The following IGSF5 variants were observed in gnomAD, a reference collection of about 807,000 sequenced individuals.
The protein encoded by IGSF5 is immunoglobulin superfamily 5 like.
IGSF5 carries 41 observed loss-of-function variants against 39.4 expected under a neutral mutation model. The ratio of observed to expected loss-of-function variants is 1.04; its 90% CI spans 0.81 to 1.35. The LOEUF (loss-of-function observed/expected upper bound fraction) is 1.35. Ranked by LOEUF, IGSF5 falls within the 40% of genes most tolerant of loss-of-function variation. The probability of loss-of-function intolerance (pLI) is 0.00; values close to 1 mark genes in which losing one functional copy is unlikely to be tolerated. For synonymous variants in IGSF5, 183 were observed against 175.3 expected (o/e 1.04, Z -0.34); for missense variants, 487 against 494.6 (o/e 0.98, Z 0.15).
chr21:39,773,566 A>C (rs1359380802), intron 4 of IGSF5, among the ~76,000 whole-genome samples: 1 of 149,770 alleles, frequency 6.7e-6, no homozygotes, highest in Non-Finnish European at 1.5e-5. Flanking sequence ...TGACACCCAG[A>C]TTGCTCCAGA....
chr21:39,747,116 C>T (rs1329714759), intron 2 of IGSF5, among the ~76,000 whole-genome samples: 2 of 152,208 alleles, frequency 1.3e-5, no homozygotes, highest in Non-Finnish European at 1.5e-5. Flanking sequence ...TGAAGTCATA[C>T]CCGAGACCGG....
Position 39,793,744 on chromosome 21 carries a change from A to T in IGSF5, c.1128+131A>T, listed in dbSNP as rs528343586. 89 of 729,704 alleles carry T rather than the reference A, an allele frequency of 1.2e-4. No homozygotes were observed. The African/African-American group carries it at 1.4e-3, about 11-fold the overall frequency. 45.2% of individuals were successfully genotyped at this position (729,704 alleles called of 1,614,324 possible). A position where few individuals can be genotyped will look rare whatever the true frequency, so the allele number is the denominator to read the frequency against. ...TGGCATGTTGCCTTTCCTCCCCTCC[A>T]TATCAGCTGGTCAGCATGGAGAGAT... On this transcript the variant is annotated intron_variant, in intron 8 of 8. Transcript: ENST00000380588.
intron 5 of IGSF5, among the ~76,000 whole-genome samples, chr21:39,782,028 T>C (rs2080173287): frequency 8.5e-6 from 1 of 118,162 alleles, no homozygotes; most frequent in African/African-American, 3.4e-5. Flanking sequence ...GTTGTATGCA[T>C]CTAATTTTAT....
At chr21:39,765,957 CA>C in intron 3 of IGSF5, 105 bp downstream of exon 3, 1 of 1,033,528 alleles carries the variant, frequency 9.7e-7, no homozygotes. Context: ...GGTCTACCTT[CA>C]GTTGGTGTTG....
intron 2 of IGSF5, among the ~76,000 whole-genome samples, chr21:39,749,213 GTTT>G (rs35333249): frequency 1.2e-3 from 165 of 139,038 alleles, no homozygotes; most frequent in African/African-American, 1.2e-3. Context: ...AGACAAATAG[GTTT>G]TTTTTTTTTT....
intron 6 of IGSF5, among the ~76,000 whole-genome samples, chr21:39,791,115 G>A (rs73219408): frequency 0.093 from 14,214 of 152,178 alleles, 629 homozygotes; most frequent in Middle Eastern, 0.14. Flanking sequence ...CCAGAAGGTA[G>A]CGTATCTTCA....
chr21:39,795,357 A>T (rs1159748327), intron 8 of IGSF5, among the ~76,000 whole-genome samples: 1 of 152,074 alleles, frequency 6.6e-6, no homozygotes, highest in Non-Finnish European at 1.5e-5. Flanking sequence ...CCCCAGCTCC[A>T]AGCACGGACA....
the IGSF5 span, among the ~76,000 whole-genome samples, chr21:39,722,033 T>A: frequency 2.0e-5 from 3 of 152,168 alleles, no homozygotes; most frequent in African/African-American, 7.2e-5. Context: ...TGTGAGTGAG[T>A]AGGCATGACT....
chr21:39,774,250 A>G (rs2080128884), intron 4 of IGSF5, among the ~76,000 whole-genome samples: 1 of 152,246 alleles, frequency 6.6e-6, no homozygotes, highest in Non-Finnish European at 1.5e-5. Context: ...TGGTGACCAG[A>G]CGAGGCTGTA....
At chr21:39,741,090 T>G (rs369693895), upstream of IGSF5, among the ~76,000 whole-genome samples, 374 of 142,434 alleles carry the variant, frequency 2.6e-3, 1 homozygote, top group African/African-American at 8.7e-3. Context: ...GCTATTCATG[T>G]TTTTTTTTTT....
intron 2 of IGSF5, among the ~76,000 whole-genome samples, chr21:39,757,767 G>A (rs2146275195): frequency 6.6e-6 from 1 of 152,108 alleles, no homozygotes; most frequent in South Asian, 2.1e-4. Context: ...CATAGAGATG[G>A]GGTTTCGCCA....
intron 2 of IGSF5, among the ~76,000 whole-genome samples, chr21:39,754,885 C>T (rs1238725763): frequency 6.6e-6 from 1 of 152,134 alleles, no homozygotes; most frequent in Non-Finnish European, 1.5e-5. Flanking sequence ...ATGCTATCCC[C>T]TCTCAAATCC....
intron 3 of IGSF5, among the ~76,000 whole-genome samples, chr21:39,770,561 T>C (rs2080108593): frequency 6.6e-6 from 1 of 152,188 alleles, no homozygotes; most frequent in South Asian, 2.1e-4. Flanking sequence ...CAGCCCAAGA[T>C]AATTCTGTAG....
intron 4 of IGSF5, among the ~76,000 whole-genome samples, chr21:39,776,018 T>C (rs904637689): frequency 3.3e-5 from 5 of 152,252 alleles, no homozygotes; most frequent in South Asian, 2.1e-4. Context: ...GTCTGCATGA[T>C]GAAAAGATTG....
intron 2 of IGSF5, among the ~76,000 whole-genome samples, chr21:39,748,021 T>C (rs1375940541): frequency 6.6e-6 from 1 of 152,062 alleles, no homozygotes; most frequent in Admixed American, 6.5e-5. Flanking sequence ...TAATTTAGAA[T>C]TGATGATTAT....
At chr21:39,783,378 A>G (rs1030072334) in intron 5 of IGSF5, among the ~76,000 whole-genome samples, 1 of 151,990 alleles carries the variant, frequency 6.6e-6, no homozygotes, top group African/African-American at 2.4e-5. Context: ...CAGCATTTTT[A>G]TTTTTTGTCT....
chr21:39,774,627 G>A (rs866727320), intron 4 of IGSF5, among the ~76,000 whole-genome samples: 1 of 152,208 alleles, frequency 6.6e-6, no homozygotes, highest in African/African-American at 2.4e-5. Context: ...TCCAAAACTG[G>A]AGAGTGAGGC....
intron 2 of IGSF5, among the ~76,000 whole-genome samples, chr21:39,752,931 T>A (rs553244354): frequency 6.6e-6 from 1 of 152,260 alleles, no homozygotes; most frequent in Non-Finnish European, 1.5e-5. Flanking sequence ...TTGCAAATAT[T>A]TCCCCCCACT....
intron 2 of IGSF5, among the ~76,000 whole-genome samples, chr21:39,760,194 A>C (rs988345457): frequency 6.6e-6 from 1 of 152,154 alleles, no homozygotes; most frequent in East Asian, 1.9e-4. Flanking sequence ...AATGGGTTAT[A>C]TAGAACTCAG....
Sources: gnomAD v4.1 joint callset for allele counts (sites outside exome capture counted in the v4.1 genomes callset) on GRCh38, gnomAD v4.1.1 for gene constraint, MANE v1.5 for transcripts, NCBI Gene and HGNC (gene_info 2026-07-23, HGNC 2026-07-21) for gene names.